The following GAP43 variants were observed in gnomAD, a reference collection of about 807,000 sequenced individuals.
The protein encoded by GAP43 is neuromodulin.
Under a neutral mutation model 18.6 loss-of-function variants are expected in GAP43, and 6 were observed. That is an observed-to-expected ratio of 0.32 (90% CI 0.18 to 0.64). The LOEUF is 0.64. Among genes scored for constraint, GAP43 ranks in the 30% least tolerant of loss-of-function variants. The probability of loss-of-function intolerance (pLI) is 0.78; values close to 1 mark genes in which losing one functional copy is unlikely to be tolerated. For missense variants in GAP43, 292 were observed against 295.5 expected, an observed-to-expected ratio of 0.99 and a Z score of 0.09; for synonymous variants, 115 against 111.4, an observed-to-expected ratio of 1.03 and a Z score of -0.20.
intron 1 of GAP43, among the ~76,000 whole-genome samples, chr3:115,626,932 A>T (rs1466261433): frequency 6.6e-6 from 1 of 151,804 alleles, no homozygotes; most frequent in Non-Finnish European, 1.5e-5. Flanking sequence ...CTTCCTAGTG[A>T]TAAATTGGAT....
chr3:115,685,926 T>G (rs987123725), intron 2 of GAP43, among the ~76,000 whole-genome samples: 3 of 152,230 alleles, frequency 2.0e-5, no homozygotes, highest in African/African-American at 7.2e-5. Flanking sequence ...GCCACCAAGG[T>G]GTAAACCATT....
chr3:115,699,847 A>T (rs538962013), intron 2 of GAP43, among the ~76,000 whole-genome samples: 1 of 152,184 alleles, frequency 6.6e-6, no homozygotes, highest in Non-Finnish European at 1.5e-5. Context: ...CATTTTCAGG[A>T]TAGAGCTTGA....
In GAP43 at chr3:115,623,516, G is replaced by T; in HGVS notation, c.-174G>T. The T allele has an allele frequency of 1.5e-6, 1 of 680,064 alleles. No homozygotes were observed. The highest frequency in any genetic ancestry group is 2.6e-6 in the Non-Finnish European group (1 of 389,912). 42.1% of individuals were successfully genotyped at this position (680,064 alleles called of 1,614,324 possible). A position where few individuals can be genotyped will look rare whatever the true frequency, so the allele number is the denominator to read the frequency against. On this transcript the variant is annotated 5_prime_UTR_variant, in exon 1 of 3. Transcript: ENST00000305124. The stretch of plus-strand genomic sequence containing the variant: ...AGCAATAGCTGTGGACCTTACAGTT[G>T]CTGCTAACTGCCCTGGTGTGTGTGA...
At chr3:115,665,989 A>AGTGTGTGT (rs34314907) in intron 1 of GAP43, among the ~76,000 whole-genome samples, 57 of 61,728 alleles carry the variant, frequency 9.2e-4, no homozygotes, top group African/African-American at 1.6e-3. Flanking sequence ...TGGCTAAATG[A>AGTGTGTGT]GTGTGTGTGT....
At chr3:115,716,734 A>G (rs1419917965) in intron 2 of GAP43, among the ~76,000 whole-genome samples, 3 of 100,492 alleles carry the variant, frequency 3.0e-5, no homozygotes, top group Non-Finnish European at 5.8e-5. Context: ...ATATATATAT[A>G]TATATATATA....
At chr3:115,710,644 C>T (rs1449434690) in intron 2 of GAP43, among the ~76,000 whole-genome samples, 2 of 151,988 alleles carry the variant, frequency 1.3e-5, no homozygotes, top group Non-Finnish European at 2.9e-5. Flanking sequence ...TTTATTGAGA[C>T]CAATTAGCTC....
At chr3:115,671,304 T>C (rs770604327) in intron 1 of GAP43, among the ~76,000 whole-genome samples, 2 of 152,236 alleles carry the variant, frequency 1.3e-5, no homozygotes, top group African/African-American at 2.4e-5. Context: ...TACTTCTTAT[T>C]TCTGGCTTTC....
rs908828858 is a variant in GAP43 at position 115,688,402 on chromosome 3, C to A, written c.628+11792C>A. The stretch of plus-strand genomic sequence containing the variant: ...TGCAGTAATATTTTTTAGTTATACT[C>A]CAGTGTCAACATAATTGTATAAATA... On this transcript the variant is annotated intron_variant, in intron 2 of 2. Transcript: ENST00000305124. Among the ~76,000 whole-genome samples the A allele has an allele frequency of 7.9e-5, 12 of 152,118 alleles. 1 individual carries two copies. The highest frequency in any genetic ancestry group is 1.2e-4 in the Non-Finnish European group (8 of 68,030).
intron 2 of GAP43, among the ~76,000 whole-genome samples, chr3:115,711,608 A>C (rs1299390981): frequency 6.6e-6 from 1 of 152,116 alleles, no homozygotes; most frequent in Non-Finnish European, 1.5e-5. Flanking sequence ...TTATTTTTCT[A>C]TTCTTGTCAT....
At chr3:115,707,681 G>C (rs935386142) in intron 2 of GAP43, among the ~76,000 whole-genome samples, 1 of 152,134 alleles carries the variant, frequency 6.6e-6, no homozygotes, top group Non-Finnish European at 1.5e-5. Flanking sequence ...TATGCTTATA[G>C]TAGATATCTA....
chr3:115,674,790 TC>T (rs1708859922), intron 1 of GAP43, among the ~76,000 whole-genome samples: 1 of 152,206 alleles, frequency 6.6e-6, no homozygotes, highest in Non-Finnish European at 1.5e-5. Flanking sequence ...TGTTAAGTTG[TC>T]ACATTCTGAA....
At position 115,721,047 on chromosome 3, in the gene GAP43, T is replaced by TA. The variant is rs571863678; in HGVS notation, c.*182dup. On this transcript the variant is annotated 3_prime_UTR_variant, in exon 3 of 3. Transcript: ENST00000305124. Reference sequence around the variant, plus strand: ...TCTTTCTCTCTGTGTGGCAAACATTTAAAAAAAAAAAAAAAAAGCAGGAAA... The same window carrying TA: ...TCTTTCTCTCTGTGTGGCAAACATTTAAAAAAAAAAAAAAAAAAGCAGGAAA... 0.046 allele frequency: 10,721 copies of TA among 233,690 alleles called. 471 individuals are homozygous for TA. The highest frequency in any genetic ancestry group is 0.16 in the African/African-American group (6,310 of 38,746). 14.5% of individuals were successfully genotyped at this position (233,690 alleles called of 1,614,324 possible).
intron 2 of GAP43, among the ~76,000 whole-genome samples, chr3:115,681,885 T>C (rs1278120908): frequency 6.6e-6 from 1 of 152,154 alleles, no homozygotes; most frequent in African/African-American, 2.4e-5. Flanking sequence ...CAGCTAGCAA[T>C]GTTGAACCAG....
In GAP43 at chr3:115,708,947, T is replaced by G. The variant is rs933137659; in HGVS notation, c.629-11847T>G. Among the ~76,000 whole-genome samples, 8 of 150,028 alleles carry G rather than the reference T, an allele frequency of 5.3e-5. No homozygotes were observed. In the East Asian group the frequency reaches 5.8e-4, roughly 11 times the overall value. On this transcript the variant is annotated intron_variant, in intron 2 of 2. Transcript: ENST00000305124. ...ATATTGACAACTGGCTGGGTTTTTTTTTTTTTTTTTTTTTTTTGCTATCTC... is the reference window on the plus strand; with the variant it reads ...ATATTGACAACTGGCTGGGTTTTTTGTTTTTTTTTTTTTTTTTGCTATCTC...
chr3:115,688,148 C>T (rs982454548), intron 2 of GAP43, among the ~76,000 whole-genome samples: 1 of 152,024 alleles, frequency 6.6e-6, no homozygotes, highest in South Asian at 2.1e-4. Context: ...TCCCGAGTAG[C>T]TGGGATTACA....
chr3:115,676,685 G>C, intron 2 of GAP43, 75 bp downstream of exon 2: 1 of 1,372,754 alleles, frequency 7.3e-7, no homozygotes, highest in Non-Finnish European at 9.6e-7. Flanking sequence ...AGGCCACCTG[G>C]GTCATTGAGG....
chr3:115,652,893 C>T (rs1025879460), intron 1 of GAP43, among the ~76,000 whole-genome samples: 5 of 152,122 alleles, frequency 3.3e-5, no homozygotes, highest in Admixed American at 2.0e-4. Flanking sequence ...ATTTCTGTAA[C>T]TTATTAACAG....
chr3:115,632,375 C>T (rs1363570488), intron 1 of GAP43, among the ~76,000 whole-genome samples: 1 of 152,150 alleles, frequency 6.6e-6, no homozygotes, highest in African/African-American at 2.4e-5. Context: ...GACTTCAGGG[C>T]TCCTCAATAC....
At chr3:115,706,035 C>CTA (rs958847107) in intron 2 of GAP43, among the ~76,000 whole-genome samples, 1 of 152,100 alleles carries the variant, frequency 6.6e-6, no homozygotes, top group African/African-American at 2.4e-5. Context: ...CTGGGATTCC[C>CTA]TATTTGAGAA....
Sources: allele counts gnomAD v4.1 joint callset (sites outside exome capture counted in the v4.1 genomes callset), GRCh38; gene constraint gnomAD v4.1.1; transcripts MANE v1.5; gene names NCBI Gene and HGNC (gene_info 2026-07-23, HGNC 2026-07-21).